Variants in ADARB2 observed in about 807,000 individuals in gnomAD.
The protein encoded by ADARB2 is inactive double-stranded RNA-specific editase B2.
In ADARB2, 25 loss-of-function variants were observed where a neutral mutation model predicts 62.2. That is an observed-to-expected ratio of 0.40 (90% CI 0.29 to 0.56). ADARB2 has a LOEUF of 0.56. ADARB2 is among the 20% of genes least tolerant of loss of function. The pLI is 0.43. For synonymous variants in ADARB2, 572 were observed against 500.8 expected (o/e 1.14, Z -1.90); for missense variants, 1,071 against 1,077.4 (o/e 0.99, Z 0.08).
rs1249880113 is a variant in ADARB2 at position 1,524,225 on chromosome 10, G to T, written c.101-145065C>A. Among the ~76,000 whole-genome samples the T allele has an allele frequency of 2.6e-5, 4 of 152,280 alleles. No homozygotes were observed. The East Asian group carries it at 7.7e-4, about 29-fold the overall frequency. On this transcript the variant is annotated intron_variant, in intron 1 of 9. Transcript: ENST00000381312. The stretch of plus-strand genomic sequence containing the variant: ...TTATAATACAATGAATGTATTTGGT[G>T]CAATAGAGCAAAAATAGGGTCAGGA...
intron 8 of ADARB2, among the ~76,000 whole-genome samples, chr10:1,188,437 A>C (rs1836793531): frequency 6.6e-6 from 1 of 152,210 alleles, no homozygotes; most frequent in Admixed American, 6.5e-5. Flanking sequence ...TGTTCCTTTC[A>C]CGGAAAACAC....
chr10:1,586,794 T>C (rs1833186655), intron 1 of ADARB2, among the ~76,000 whole-genome samples: 1 of 152,218 alleles, frequency 6.6e-6, no homozygotes, highest in East Asian at 1.9e-4. Flanking sequence ...CAAGTGTGAT[T>C]TCTATTCAGG....
intron 1 of ADARB2, among the ~76,000 whole-genome samples, chr10:1,565,776 G>T (rs1274513508): frequency 6.6e-6 from 1 of 152,120 alleles, no homozygotes; most frequent in Non-Finnish European, 1.5e-5. Flanking sequence ...TTAGGAATGA[G>T]TATTTTATCC....
chr10:1,305,624 C>T (rs1306279815), intron 3 of ADARB2, among the ~76,000 whole-genome samples: 1 of 151,958 alleles, frequency 6.6e-6, no homozygotes, highest in Non-Finnish European at 1.5e-5. Context: ...GACCAATATC[C>T]TTGATGAACA....
In ADARB2 at chr10:1,183,304, C is replaced by G; in HGVS notation, c.2109G>C (p.Ala703=). Residue 703 remains alanine, a synonymous_variant, in exon 10 of 10, where the codon GCG becomes GCC. Transcript: ENST00000381312. The stretch of plus-strand genomic sequence containing the variant: ...GCTGTTTCACAGACTGGTAGGTGTG[C>G]GCCCCCAGCTTGGCCTCACAGTACA... ...PSMYCEAKLG[A]HTYQSVKQQL... 2 of 1,614,128 alleles carry G rather than the reference C, an allele frequency of 1.2e-6. No individual in the cohort carries two copies. Among genetic ancestry groups the G allele is most frequent in the Non-Finnish European group, 1.7e-6 (2 of 1,180,026 alleles).
intron 3 of ADARB2, among the ~76,000 whole-genome samples, chr10:1,324,683 A>T (rs757690810): frequency 6.6e-6 from 1 of 152,214 alleles, no homozygotes; most frequent in Admixed American, 6.5e-5. Context: ...AAATATCAAC[A>T]TTATAGAAAT....
intron 1 of ADARB2, among the ~76,000 whole-genome samples, chr10:1,447,917 T>C (rs1830991605): frequency 6.6e-6 from 1 of 152,234 alleles, no homozygotes; most frequent in Non-Finnish European, 1.5e-5. Context: ...TCTTGTTCTT[T>C]TTTATAGCTG....
At position 1,704,130 on chromosome 10, in the gene ADARB2, G is replaced by A. The variant is rs575332734; in HGVS notation, c.100+32921C>T. Among the ~76,000 whole-genome samples, 1 of 152,184 alleles carries A rather than the reference G, an allele frequency of 6.6e-6. No individual in the cohort carries two copies. Among genetic ancestry groups the A allele is most frequent in the Non-Finnish European group, 1.5e-5 (1 of 68,038 alleles). ...ACTCTTGCTGTAAGACAGCGGTCCTGTCCCCAACCTTTCTGGCACCAGGGA... is the reference window on the plus strand; with the variant it reads ...ACTCTTGCTGTAAGACAGCGGTCCTATCCCCAACCTTTCTGGCACCAGGGA... On this transcript the variant is annotated intron_variant, in intron 1 of 9. Transcript: ENST00000381312. The surrounding 1 kb of genome is among the most constrained non-coding windows in gnomAD (Gnocchi z 5.6).
At chr10:1,623,388 G>A (rs1833730471) in intron 1 of ADARB2, among the ~76,000 whole-genome samples, 1 of 152,198 alleles carries the variant, frequency 6.6e-6, no homozygotes, top group South Asian at 2.1e-4. Flanking sequence ...TACATGAACT[G>A]CAAACTACAG....
chr10:1,608,588 GA>G (rs1440916120), intron 1 of ADARB2, among the ~76,000 whole-genome samples: 22 of 145,848 alleles, frequency 1.5e-4, no homozygotes, highest in Non-Finnish European at 3.1e-4. Context: ...AGAGAGGAAG[GA>G]AAAAAGGAAT....
intron 1 of ADARB2, among the ~76,000 whole-genome samples, chr10:1,458,918 C>T (rs552966389): frequency 3.1e-4 from 47 of 152,230 alleles, no homozygotes; most frequent in Middle Eastern, 3.4e-3. Flanking sequence ...GACACTTATG[C>T]AGGCAACAAT....
intron 1 of ADARB2, among the ~76,000 whole-genome samples, chr10:1,566,027 C>T (rs1832856683): frequency 7.3e-6 from 1 of 136,080 alleles, no homozygotes. Flanking sequence ...ATACTTTTCT[C>T]ATCGTTACTT....
intron 1 of ADARB2, among the ~76,000 whole-genome samples, chr10:1,530,921 A>G (rs1832225308): frequency 6.6e-6 from 1 of 151,412 alleles, no homozygotes; most frequent in South Asian, 2.1e-4. Flanking sequence ...AGGTCTCAGC[A>G]CTCAGCACCC....
intron 1 of ADARB2, among the ~76,000 whole-genome samples, chr10:1,423,115 C>T (rs1832865024): frequency 6.6e-6 from 1 of 152,090 alleles, no homozygotes; most frequent in Non-Finnish European, 1.5e-5. Context: ...TGCTCCGAGT[C>T]CCCGAGTCTC....
At chr10:1,208,538 C>T (rs1837101164) in intron 7 of ADARB2, among the ~76,000 whole-genome samples, 1 of 152,244 alleles carries the variant, frequency 6.6e-6, no homozygotes, top group Admixed American at 6.5e-5. Context: ...CTCCCTGCTT[C>T]CCCAGCCCCT....
chr10:1,610,813 CACAT>C (rs1032103658), intron 1 of ADARB2, among the ~76,000 whole-genome samples: 10 of 139,068 alleles, frequency 7.2e-5, no homozygotes, highest in East Asian at 3.9e-4. Context: ...CACATACAGA[CACAT>C]ACAGACACAG....
intron 1 of ADARB2, among the ~76,000 whole-genome samples, chr10:1,583,682 T>C (rs1051840164): frequency 2.0e-5 from 3 of 152,246 alleles, no homozygotes; most frequent in African/African-American, 7.2e-5. Context: ...AGATTCAATA[T>C]ATTCTCAATC....
At chr10:1,679,057 C>T (rs760523502) in intron 1 of ADARB2, among the ~76,000 whole-genome samples, 4 of 152,232 alleles carry the variant, frequency 2.6e-5, no homozygotes, top group East Asian at 1.9e-4. Flanking sequence ...GGGCAATTCT[C>T]ACAATAAGAA....
intron 1 of ADARB2, among the ~76,000 whole-genome samples, chr10:1,494,878 C>A (rs1484598364): frequency 6.6e-6 from 1 of 152,090 alleles, no homozygotes; most frequent in Non-Finnish European, 1.5e-5. Context: ...CAGGATGAAC[C>A]ATCACCCATT....
Sources: gnomAD v4.1 joint callset for allele counts (sites outside exome capture counted in the v4.1 genomes callset) on GRCh38, gnomAD v4.1.1 for gene constraint, Gnocchi (gnomAD v3.1) non-coding constraint, MANE v1.5 for transcripts, NCBI Gene and HGNC (gene_info 2026-07-23, HGNC 2026-07-21) for gene names.